DISC1: variants seen among roughly 807,000 people sequenced by gnomAD.
DISC1 encodes the protein DISC1 scaffold protein.
DISC1 carries 57 observed loss-of-function variants against 84.5 expected under a neutral mutation model. The ratio of observed to expected loss-of-function variants is 0.67; its 90% confidence interval spans 0.55 to 0.84. The LOEUF is 0.84. Among genes scored for constraint, DISC1 ranks in the 40% least tolerant of loss-of-function variants. The pLI is 0.00. For missense variants in DISC1, 1,000 were observed against 1,057.8 expected (o/e 0.95, Z 0.76); for synonymous variants, 411 against 415.2 (o/e 0.99, Z 0.12).
In DISC1 at chr1:231,895,309, A is replaced by T. The variant is rs2087596515; in HGVS notation, c.1982-63519A>T. The stretch of plus-strand genomic sequence containing the variant: ...ATATCTAATGAATAATATATTTAAA[A>T]TTTTTATAATATAAAGCCTCATAAA... On this transcript the variant is annotated intron_variant, in intron 9 of 12. Transcript: ENST00000439617. 2.6e-5 allele frequency among the ~76,000 whole-genome samples: 4 copies of T among 151,660 alleles called. No individual in the cohort carries two copies. The South Asian group carries it at 6.2e-4, about 24-fold the overall frequency.
intron 9 of DISC1, among the ~76,000 whole-genome samples, chr1:231,940,088 C>T (rs1405118652): frequency 6.6e-6 from 1 of 151,880 alleles, no homozygotes; most frequent in Non-Finnish European, 1.5e-5. Context: ...TTCCCTCCTC[C>T]ATGACAGGAC....
chr1:231,929,547 C>T (rs1379116356), intron 9 of DISC1, among the ~76,000 whole-genome samples: 1 of 152,174 alleles, frequency 6.6e-6, no homozygotes, highest in Non-Finnish European at 1.5e-5. Context: ...CAGAGCACGG[C>T]CGCAGCTTCA....
chr1:231,886,115 C>T (rs760807681), intron 9 of DISC1, among the ~76,000 whole-genome samples: 1 of 152,112 alleles, frequency 6.6e-6, no homozygotes, highest in Admixed American at 6.6e-5. Flanking sequence ...ACAGTAACGG[C>T]GTTAATCCAT....
At chr1:232,002,765 C>T (rs983499048) in intron 10 of DISC1, among the ~76,000 whole-genome samples, 4 of 151,966 alleles carry the variant, frequency 2.6e-5, no homozygotes, top group African/African-American at 2.4e-5. Context: ...AGGCATGGGA[C>T]GTAGGCAGGT....
At chr1:231,719,932 G>A (rs946028912) in intron 3 of DISC1, among the ~76,000 whole-genome samples, 11 of 152,174 alleles carry the variant, frequency 7.2e-5, no homozygotes, top group Non-Finnish European at 1.6e-4. Context: ...AGTAGCTGAT[G>A]ACAGCGATGT....
intron 3 of DISC1, among the ~76,000 whole-genome samples, chr1:231,732,807 G>T (rs2071698715): frequency 1.3e-5 from 2 of 152,248 alleles, no homozygotes; most frequent in African/African-American, 4.8e-5. Context: ...TAGTAGTATT[G>T]TGACAGTGGT....
chr1:231,716,658 A>G (rs1013587425), intron 3 of DISC1, among the ~76,000 whole-genome samples: 3 of 152,170 alleles, frequency 2.0e-5, no homozygotes, highest in African/African-American at 7.2e-5. Flanking sequence ...CTGAAGAAAG[A>G]GAGGTTGAAA....
chr1:231,934,047 C>T (rs756016834), intron 9 of DISC1, among the ~76,000 whole-genome samples: 4 of 152,132 alleles, frequency 2.6e-5, no homozygotes, highest in African/African-American at 9.7e-5. Context: ...TTTCAACCTT[C>T]GACAAGGCTG....
chr1:231,763,311 T>C (rs1379360735), intron 4 of DISC1, among the ~76,000 whole-genome samples: 3 of 152,206 alleles, frequency 2.0e-5, no homozygotes, highest in Non-Finnish European at 2.9e-5. Flanking sequence ...AGGTCTGTAA[T>C]GAGAAGCGAA....
At chr1:231,879,541 G>T (rs574086968) in intron 9 of DISC1, among the ~76,000 whole-genome samples, 2 of 151,880 alleles carry the variant, frequency 1.3e-5, no homozygotes, top group East Asian at 3.9e-4. Flanking sequence ...AGGAGTGCCT[G>T]GAAGGACCTG....
At chr1:232,015,628 G>A (rs1668423493) in intron 11 of DISC1, among the ~76,000 whole-genome samples, 1 of 152,108 alleles carries the variant, frequency 6.6e-6, no homozygotes, top group South Asian at 2.1e-4. Context: ...CACTCCCCAG[G>A]AGCTTCCGGT....
chr1:231,963,892 T>C (rs537856090), intron 10 of DISC1, among the ~76,000 whole-genome samples: 1 of 152,272 alleles, frequency 6.6e-6, no homozygotes, highest in South Asian at 2.1e-4. Flanking sequence ...GGGGGCTGCA[T>C]GCACTGGTAA....
chr1:231,931,492 A>C (rs2090654428), intron 9 of DISC1, among the ~76,000 whole-genome samples: 2 of 152,196 alleles, frequency 1.3e-5, no homozygotes, highest in East Asian at 1.9e-4. Flanking sequence ...GGGTCAATAA[A>C]TATTTGTGGA....
chr1:231,632,270 T>C (rs561408070), intron 1 of DISC1, among the ~76,000 whole-genome samples: 1 of 152,338 alleles, frequency 6.6e-6, no homozygotes, highest in South Asian at 2.1e-4. Context: ...GATGCATGAC[T>C]GTGATTGAAA....
intron 9 of DISC1, among the ~76,000 whole-genome samples, chr1:231,825,602 G>A (rs1289208242): frequency 6.6e-6 from 1 of 152,016 alleles, no homozygotes; most frequent in Non-Finnish European, 1.5e-5. Flanking sequence ...TTTTTGCATG[G>A]GGACCCTATC....
chr1:232,007,879 G>T (rs983053963), intron 10 of DISC1, among the ~76,000 whole-genome samples: 1 of 152,148 alleles, frequency 6.6e-6, no homozygotes, highest in Non-Finnish European at 1.5e-5. Flanking sequence ...GTAGGTAATT[G>T]AATCATGGGG....
chr1:231,741,634 T>C (rs1573433868), intron 3 of DISC1, among the ~76,000 whole-genome samples: 1 of 152,222 alleles, frequency 6.6e-6, no homozygotes, highest in South Asian at 2.1e-4. Flanking sequence ...AGGGAGCTGG[T>C]GGAGCAGGGA....
chr1:231,700,480 CA>C (rs1329541604), intron 2 of DISC1, among the ~76,000 whole-genome samples: 1 of 152,076 alleles, frequency 6.6e-6, no homozygotes, highest in African/African-American at 2.4e-5. Flanking sequence ...ATACATATAA[CA>C]AACAAAATAT....
rs553821049 is a variant in DISC1 at position 231,892,222 on chromosome 1, A to G, written c.1982-66606A>G. ...GTGGGTGTCAGGAAGAAGAAGCAGT[A>G]TATGATTCCACAACAGTAATTTCAT... On this transcript the variant is annotated intron_variant, in intron 9 of 12. Coordinates refer to ENST00000439617, the MANE Select transcript of DISC1 (RefSeq NM_018662.3). Among the ~76,000 whole-genome samples the G allele has an allele frequency of 9.2e-5, 14 of 152,344 alleles. No homozygotes were observed. In the South Asian group the frequency reaches 2.9e-3, roughly 32 times the overall value.
Sources: allele counts gnomAD v4.1 joint callset (sites outside exome capture counted in the v4.1 genomes callset), GRCh38; gene constraint gnomAD v4.1.1; transcripts MANE v1.5; gene names NCBI Gene and HGNC (gene_info 2026-07-23, HGNC 2026-07-21).